PKN2: variants seen among roughly 807,000 people sequenced by gnomAD.
PKN2 encodes the protein protein kinase N2.
Under a neutral mutation model 119.1 loss-of-function variants are expected in PKN2, and 38 were observed. That is an observed-to-expected ratio of 0.32 (90% CI 0.25 to 0.42). PKN2 has a LOEUF of 0.42. PKN2 is among the 10% of genes least tolerant of loss of function. The probability of loss-of-function intolerance (pLI) is 1.00; values close to 1 mark genes in which losing one functional copy is unlikely to be tolerated. For missense variants in PKN2, 850 were observed against 1,165.1 expected (o/e 0.73, Z 3.94); for synonymous variants, 390 against 384.9 (o/e 1.01, Z -0.15).
chr1:88,701,657 G>T (rs1040577340), intron 1 of PKN2, among the ~76,000 whole-genome samples: 9 of 152,128 alleles, frequency 5.9e-5, no homozygotes, highest in African/African-American at 2.2e-4. Flanking sequence ...GGTATGGTGT[G>T]GTAATGTATA....
chr1:88,697,485 C>T (rs1413284950), intron 1 of PKN2, among the ~76,000 whole-genome samples: 2 of 152,106 alleles, frequency 1.3e-5, no homozygotes, highest in East Asian at 3.8e-4. Flanking sequence ...ATTACTTTGC[C>T]ATTGTTTAAG....
chr1:88,702,600 T>C (rs1206800445), intron 1 of PKN2, among the ~76,000 whole-genome samples: 1 of 152,224 alleles, frequency 6.6e-6, no homozygotes, highest in African/African-American at 2.4e-5. Context: ...AGAATTGTTT[T>C]ATTTTATCCC....
At chr1:88,734,576 T>C (rs1467793086) in intron 1 of PKN2, among the ~76,000 whole-genome samples, 1 of 152,198 alleles carries the variant, frequency 6.6e-6, no homozygotes, top group East Asian at 1.9e-4. Flanking sequence ...ACCAGTAGCA[T>C]GCTATTTTGA....
At chr1:88,781,284 T>C (rs903456027) in intron 6 of PKN2, 1 of 389,024 alleles carries the variant, frequency 2.6e-6, no homozygotes, top group African/African-American at 2.2e-5. Context: ...GTTGCTACTT[T>C]GAATAAGGTA....
intron 18 of PKN2, 98 bp downstream of exon 18, chr1:88,824,484 T>G (rs981754001): frequency 4.3e-6 from 3 of 699,750 alleles, no homozygotes; most frequent in Non-Finnish European, 7.7e-6. Flanking sequence ...AAACTGTACT[T>G]TTAACTTTAT....
intron 3 of PKN2, among the ~76,000 whole-genome samples, chr1:88,767,866 C>A (rs1451084559): frequency 6.6e-6 from 1 of 152,142 alleles, no homozygotes; most frequent in Admixed American, 6.5e-5. Flanking sequence ...TCTCTTTCTT[C>A]TTTATTCAGT....
intron 3 of PKN2, among the ~76,000 whole-genome samples, chr1:88,762,428 C>T (rs1415221325): frequency 6.6e-6 from 1 of 152,136 alleles, no homozygotes; most frequent in Non-Finnish European, 1.5e-5. Context: ...TAGATTCCAC[C>T]TTAACTGTTT....
chr1:88,696,159 T>G (rs977851547), intron 1 of PKN2, among the ~76,000 whole-genome samples: 1 of 152,232 alleles, frequency 6.6e-6, no homozygotes, highest in Non-Finnish European at 1.5e-5. Flanking sequence ...GTAACTCCTT[T>G]TCTACCTTAA....
intron 18 of PKN2, among the ~76,000 whole-genome samples, chr1:88,827,629 C>G (rs1672554710): frequency 7.0e-6 from 1 of 142,168 alleles, no homozygotes; most frequent in South Asian, 2.3e-4. Flanking sequence ...CTTCCCTTCC[C>G]TTCCCTTCCC....
intron 8 of PKN2, among the ~76,000 whole-genome samples, chr1:88,801,852 C>T (rs1160469001): frequency 6.6e-6 from 1 of 152,184 alleles, no homozygotes; most frequent in Non-Finnish European, 1.5e-5. Flanking sequence ...TTTGGGTTGT[C>T]CTTACTGCTG....
At chr1:88,692,553 A>G (rs1315116803) in intron 1 of PKN2, among the ~76,000 whole-genome samples, 2 of 152,204 alleles carry the variant, frequency 1.3e-5, no homozygotes, top group Admixed American at 6.5e-5. Flanking sequence ...AAGTTTTACA[A>G]ATCATAAGGG....
chr1:88,765,889 G>A (rs1385841835), intron 3 of PKN2, among the ~76,000 whole-genome samples: 2 of 152,144 alleles, frequency 1.3e-5, no homozygotes, highest in Non-Finnish European at 2.9e-5. Flanking sequence ...CTCACTCACT[G>A]CAGCCTCCAC....
chr1:88,749,754 T>C (rs17130594), intron 2 of PKN2, among the ~76,000 whole-genome samples: 8,666 of 152,114 alleles, frequency 0.057, 477 homozygotes, highest in African/African-American at 0.14. Flanking sequence ...TAGAGACTTA[T>C]AGGAAGAAGT....
At chr1:88,815,995 C>T (rs1671973195) in intron 16 of PKN2, among the ~76,000 whole-genome samples, 1 of 151,804 alleles carries the variant, frequency 6.6e-6, no homozygotes, top group Non-Finnish European at 1.5e-5. Flanking sequence ...CAAAAATTAG[C>T]TGGGCATGGT....
At chr1:88,776,880 TCA>T (rs1670131364) in intron 6 of PKN2, among the ~76,000 whole-genome samples, 1 of 152,220 alleles carries the variant, frequency 6.6e-6, no homozygotes, top group South Asian at 2.1e-4. Flanking sequence ...CTTTGTTTTT[TCA>T]CAGTTTAATT....
intron 6 of PKN2, among the ~76,000 whole-genome samples, chr1:88,780,695 GC>G (rs1359085124): frequency 6.6e-6 from 1 of 151,912 alleles, no homozygotes; most frequent in Admixed American, 6.6e-5. Flanking sequence ...TGACAATTAG[GC>G]AGGGACTATA....
chr1:88,808,782 G>A (rs940601259), intron 15 of PKN2, among the ~76,000 whole-genome samples: 5 of 152,106 alleles, frequency 3.3e-5, no homozygotes, highest in Non-Finnish European at 7.4e-5. Context: ...CACCACTGTA[G>A]GAGGCATATG....
chr1:88,701,663 G>A (rs1193807499), intron 1 of PKN2, among the ~76,000 whole-genome samples: 2 of 152,156 alleles, frequency 1.3e-5, no homozygotes, highest in Non-Finnish European at 2.9e-5. Flanking sequence ...GTGTGGTAAT[G>A]TATAATAATA....
intron 15 of PKN2, 109 bp from the exon 16 acceptor site, chr1:88,813,448 A>T: frequency 1.4e-6 from 1 of 706,548 alleles, no homozygotes; most frequent in Non-Finnish European, 2.2e-6. Flanking sequence ...AGGATTTTTA[A>T]GTTATAGTTA....
Sources: allele counts gnomAD v4.1 joint callset (sites outside exome capture counted in the v4.1 genomes callset), GRCh38; gene constraint gnomAD v4.1.1; transcripts MANE v1.5; gene names NCBI Gene and HGNC (gene_info 2026-07-23, HGNC 2026-07-21).